The following CFAP20DC variants were observed in gnomAD, a reference collection of about 807,000 sequenced individuals.
The protein encoded by CFAP20DC is CFAP20 domain containing, also known as protein CFAP20DC.
CFAP20DC carries 84 observed loss-of-function variants against 101.7 expected under a neutral mutation model. That is an observed-to-expected ratio of 0.83 (90% CI 0.69 to 0.99). CFAP20DC has a LOEUF of 0.99. Among genes scored for constraint, CFAP20DC ranks in the 50% least tolerant of loss-of-function variants. The pLI, the probability that CFAP20DC is intolerant of heterozygous loss-of-function variation, is 0.00. For missense variants in CFAP20DC, 1,007 were observed against 970.3 expected (o/e 1.04, Z -0.50); for synonymous variants, 359 against 351.2 (o/e 1.02, Z -0.25).
At chr3:58,741,835 G>C (rs1172517854), downstream of CFAP20DC, among the ~76,000 whole-genome samples, 2 of 152,036 alleles carry the variant, frequency 1.3e-5, no homozygotes, top group Non-Finnish European at 2.9e-5. Flanking sequence ...AGCAAACTCT[G>C]GATGAACAAT....
chr3:59,003,806 T>C (rs1254906489), intron 4 of CFAP20DC, among the ~76,000 whole-genome samples: 1 of 152,176 alleles, frequency 6.6e-6, no homozygotes, highest in African/African-American at 2.4e-5. Flanking sequence ...GAACCTATAA[T>C]GAAAACAACA....
At chr3:58,979,996 G>A (rs538371749) in intron 4 of CFAP20DC, among the ~76,000 whole-genome samples, 51 of 152,192 alleles carry the variant, frequency 3.4e-4, no homozygotes, top group African/African-American at 1.2e-3. Flanking sequence ...TGAAATGATC[G>A]ATTAGCACTG....
chr3:58,780,119 C>T (rs1194267523), intron 15 of CFAP20DC, among the ~76,000 whole-genome samples: 2 of 152,012 alleles, frequency 1.3e-5, no homozygotes. Context: ...AGCAAAATAT[C>T]CTTCATAAAT....
chr3:58,725,082 T>G (rs2067530440), intron 3 of CFAP20DC, among the ~76,000 whole-genome samples: 1 of 152,218 alleles, frequency 6.6e-6, no homozygotes, highest in African/African-American at 2.4e-5. Context: ...GAAGTCCCAA[T>G]AATTGCCTTC....
rs569527107 is a variant in CFAP20DC, at chr3:58,948,124, G to T, written c.279-10362C>A. 6.3e-4 allele frequency among the ~76,000 whole-genome samples: 96 copies of T among 152,354 alleles called. 2 individuals are homozygous for T. In the South Asian group the frequency reaches 0.019, roughly 31 times the overall value. On this transcript the variant is annotated intron_variant, in intron 4 of 16. Transcript: ENST00000482387. The stretch of plus-strand genomic sequence containing the variant: ...TTGCACCAAACTGTCAAGTGCAGCT[G>T]ATAGCAGAGGTGGGTCCAGAGGACA...
chr3:58,851,875 G>C (rs1172608371), intron 12 of CFAP20DC, among the ~76,000 whole-genome samples: 2 of 152,176 alleles, frequency 1.3e-5, no homozygotes, highest in Non-Finnish European at 2.9e-5. Context: ...TGAACTTTTT[G>C]ATGAGAGAAG....
Position 58,806,396 on chromosome 3 carries a change from G to A in CFAP20DC, c.2236C>T (p.Arg746Trp), listed in dbSNP as rs775320019. ...ATGTAGATTATTAATGATTCTTACC[G>A]GGGATTAGAAGGAGAAGGTGGGTTC... ...EMNPPSPSNP[R>W]DWLNMLSPPI... Residue 746 changes from arginine (R) to tryptophan (W), a missense_variant and splice_region_variant, in exon 15 of 17, where the codon CGG (arginine) becomes TGG (tryptophan). Arg to Trp is a moderately radical substitution (Grantham distance 101, BLOSUM62 -3). Transcript: ENST00000482387. The A allele has an allele frequency of 5.7e-5, 90 of 1,584,042 alleles. No individual in the cohort carries two copies. The Middle Eastern group carries it at 6.6e-4, about 12-fold the overall frequency.
chr3:58,956,513 A>G (rs1202624212), intron 4 of CFAP20DC, among the ~76,000 whole-genome samples: 1 of 152,132 alleles, frequency 6.6e-6, no homozygotes, highest in Non-Finnish European at 1.5e-5. Context: ...CTCAGCTGCA[A>G]TACAATAGAA....
At chr3:58,891,004 C>A (rs1401319252) in intron 6 of CFAP20DC, among the ~76,000 whole-genome samples, 1 of 147,890 alleles carries the variant, frequency 6.8e-6, no homozygotes, top group East Asian at 2.0e-4. Context: ...AGAGACACTC[C>A]TCACTTCCCA....
rs1252168611 is a variant in CFAP20DC, at chr3:58,845,002, CATTCAA to C, written c.1971+4024_1971+4029del. ...ACAACATACCAGAATCTCTGGGACG[CATTCAA>C]AGCAGTGTGTAGAGGGAAATTTATA... On this transcript the variant is annotated intron_variant, in intron 13 of 16. Transcript: ENST00000482387. Among the ~76,000 whole-genome samples, 70 of 127,162 alleles carry C rather than the reference CATTCAA, an allele frequency of 5.5e-4. No homozygotes were observed. The South Asian group carries it at 6.7e-3, about 12-fold the overall frequency. 83.4% of individuals were successfully genotyped at this position (127,162 alleles called of 152,430 possible).
intron 14 of CFAP20DC, among the ~76,000 whole-genome samples, chr3:58,809,834 G>C (rs893594496): frequency 6.6e-6 from 1 of 151,856 alleles, no homozygotes; most frequent in Non-Finnish European, 1.5e-5. Context: ...AAAGAGAGAA[G>C]AATCAAATAG....
At chr3:58,797,438 C>T (rs2073341900) in intron 15 of CFAP20DC, among the ~76,000 whole-genome samples, 1 of 152,096 alleles carries the variant, frequency 6.6e-6, no homozygotes, top group Non-Finnish European at 1.5e-5. Context: ...CTCTTCAATT[C>T]TTTGAAGATT....
At chr3:58,898,461 C>A (rs1401381570) in intron 6 of CFAP20DC, among the ~76,000 whole-genome samples, 2 of 152,164 alleles carry the variant, frequency 1.3e-5, no homozygotes, top group African/African-American at 4.8e-5. Flanking sequence ...AGGTGTTAGC[C>A]ACTGTAACTG....
intron 6 of CFAP20DC, among the ~76,000 whole-genome samples, chr3:58,893,549 G>A (rs2082423524): frequency 6.6e-6 from 1 of 152,156 alleles, no homozygotes; most frequent in African/African-American, 2.4e-5. Flanking sequence ...CAATATTTTT[G>A]TGAAGATTTT....
At chr3:58,779,180 A>C (rs1334636944) in intron 15 of CFAP20DC, among the ~76,000 whole-genome samples, 1 of 152,352 alleles carries the variant, frequency 6.6e-6, no homozygotes, top group Admixed American at 6.5e-5. Context: ...AAAGATGCTC[A>C]ATGAAATACA....
intron 15 of CFAP20DC, among the ~76,000 whole-genome samples, chr3:58,786,915 T>A (rs1270300320): frequency 1.3e-5 from 2 of 151,858 alleles, no homozygotes; most frequent in African/African-American, 4.8e-5. Flanking sequence ...ATTTATAAAT[T>A]AACTTTATCA....
intron 3 of CFAP20DC, among the ~76,000 whole-genome samples, chr3:58,723,998 C>G (rs1241001526): frequency 6.6e-6 from 1 of 152,220 alleles, no homozygotes. Context: ...AGAGGACAAA[C>G]ATTCATTCGC....
intron 13 of CFAP20DC, among the ~76,000 whole-genome samples, chr3:58,846,837 A>C (rs1401162626): frequency 1.1e-3 from 157 of 148,648 alleles, no homozygotes; most frequent in African/African-American, 3.6e-3. Flanking sequence ...ATGGAACAGA[A>C]CAGAGCCCTC....
chr3:58,920,059 T>C (rs902014009), intron 5 of CFAP20DC, among the ~76,000 whole-genome samples: 5 of 150,190 alleles, frequency 3.3e-5, no homozygotes, highest in Non-Finnish European at 5.9e-5. Flanking sequence ...TACAAGTGGT[T>C]AGGGTGGATA....
Sources: allele counts gnomAD v4.1 joint callset (sites outside exome capture counted in the v4.1 genomes callset), GRCh38; gene constraint gnomAD v4.1.1; transcripts MANE v1.5; gene names NCBI Gene and HGNC (gene_info 2026-07-23, HGNC 2026-07-21).